The following LAMA1 variants were observed in gnomAD, a reference collection of about 807,000 sequenced individuals.
LAMA1 encodes the protein laminin subunit alpha 1, also known as laminin subunit alpha-1.
LAMA1 carries 219 observed loss-of-function variants against 348.7 expected under a neutral mutation model. That is an observed-to-expected ratio of 0.63 (90% CI 0.56 to 0.70). LAMA1 has a LOEUF of 0.70. Ranked by LOEUF, LAMA1 falls within the 30% of genes least tolerant of loss-of-function variation. The pLI is 0.00. For missense variants in LAMA1, 3,744 were observed against 3,888.0 expected (o/e 0.96, Z 0.99); for synonymous variants, 1,487 against 1,491.0 (o/e 1.00, Z 0.06).
chr18:6,964,555 A>C, intron 51 of LAMA1, 107 bp downstream of exon 51: 35 of 1,336,060 alleles, frequency 2.6e-5, no homozygotes, highest in Non-Finnish European at 3.5e-5. Flanking sequence ...GGAAAGAATA[A>C]ATTAGTGTTG....
intron 3 of LAMA1, among the ~76,000 whole-genome samples, chr18:7,062,007 T>A (rs1261228185): frequency 1.3e-5 from 2 of 152,208 alleles, no homozygotes; most frequent in East Asian, 3.9e-4. Context: ...ACACTCCACA[T>A]GGACACAGGA....
chr18:6,975,694 A>G (rs2057678602), intron 45 of LAMA1, among the ~76,000 whole-genome samples: 1 of 152,120 alleles, frequency 6.6e-6, no homozygotes, highest in Non-Finnish European at 1.5e-5. Flanking sequence ...AAAAAGTTCC[A>G]TCCCCAAGGC....
At chr18:6,970,878 G>T (rs562941640) in intron 48 of LAMA1, among the ~76,000 whole-genome samples, 1 of 152,262 alleles carries the variant, frequency 6.6e-6, no homozygotes, top group African/African-American at 2.4e-5. Context: ...CTCCCAAAGT[G>T]CTGGGATTAC....
rs1185242175 is a variant in LAMA1 at position 6,943,177 on chromosome 18, T to C, written c.9067+3A>G. ...GAGTGGAAGAGCAGGTACCCGTACA[T>C]ACCAGGATAGCCACCAACATAAATG... On this transcript the variant is annotated splice_donor_region_variant and intron_variant, in intron 62 of 62. Coordinates refer to ENST00000389658, the MANE Select transcript of LAMA1 (RefSeq NM_005559.4). 1 of 1,613,784 alleles carries C rather than the reference T, an allele frequency of 6.2e-7. No individual in the cohort carries two copies. The highest frequency in any genetic ancestry group is 1.7e-5 in the Admixed American group (1 of 60,022).
chr18:7,042,747 G>A, intron 8 of LAMA1: 1 of 207,824 alleles, frequency 4.8e-6, no homozygotes, highest in Non-Finnish European at 9.8e-6. Context: ...GCTGGGTGTG[G>A]TGGAACATGC....
Position 7,007,263 on chromosome 18 carries a change from C to G in LAMA1, c.4136G>C (p.Gly1379Ala). The G allele has an allele frequency of 6.2e-7, 1 of 1,613,854 alleles. No homozygotes were observed. Among genetic ancestry groups the G allele is most frequent in the Non-Finnish European group, 8.5e-7 (1 of 1,179,952 alleles). ...VGFSCQDCAPGYHRGKLPAGS... is the reference protein window; with the variant it reads ...VGFSCQDCAPAYHRGKLPAGS... ...TGCTGGGAGCTTCCCTCTGTGGTACCCAGGGGCGCAGTCCTGAGGGGGTGC... is the reference window on the plus strand; with the variant it reads ...TGCTGGGAGCTTCCCTCTGTGGTACGCAGGGGCGCAGTCCTGAGGGGGTGC... Residue 1379 changes from glycine (G) to alanine (A), a missense_variant, in exon 29 of 63, where the codon GGG becomes GCG. Around this residue, in one of 3 missense-constraint regions of LAMA1, gnomAD observed 1,983 missense variants for 1,934.3 expected, o/e 1.03. Coordinates refer to ENST00000389658, the MANE Select transcript of LAMA1 (RefSeq NM_005559.4).
intron 3 of LAMA1, among the ~76,000 whole-genome samples, chr18:7,061,976 G>A (rs1001091202): frequency 7.2e-5 from 11 of 152,204 alleles, no homozygotes; most frequent in South Asian, 4.1e-4. Flanking sequence ...GAGGACAGGT[G>A]GGGGAGGGGT....
intron 28 of LAMA1, 78 bp downstream of exon 28, chr18:7,008,410 G>A (rs948043014): frequency 9.7e-6 from 15 of 1,542,582 alleles, no homozygotes; most frequent in African/African-American, 1.4e-5. Flanking sequence ...CATAAGTTCT[G>A]TTCATCTCTG....
intron 1 of LAMA1, among the ~76,000 whole-genome samples, chr18:7,115,871 A>ACAGG (rs1207638712): frequency 1.3e-5 from 2 of 150,482 alleles, no homozygotes; most frequent in African/African-American, 4.9e-5. Context: ...AGTCCCAGCT[A>ACAGG]CTCGGGAGGC....
At chr18:6,955,257 A>G in intron 57 of LAMA1, 96 bp downstream of exon 57, 2 of 952,860 alleles carry the variant, frequency 2.1e-6, no homozygotes, top group Admixed American at 2.0e-5. Context: ...ATCATAAAAT[A>G]AAAGCAGGTT....
In LAMA1 at chr18:6,970,860, G is replaced by A. The variant is rs191286207; in HGVS notation, c.6899+997C>T. On this transcript the variant is annotated intron_variant, in intron 48 of 62. Transcript: ENST00000389658. ...ACTCCTAACCTCAGGTGATCCGCCC[G>A]CCTCGGCCTCCCAAAGTGCTGGGAT... Among the ~76,000 whole-genome samples the A allele has an allele frequency of 5.7e-4, 86 of 152,204 alleles. 1 individual carries two copies. Among genetic ancestry groups the A allele is most frequent in the Non-Finnish European group, 2.4e-4 (16 of 68,022 alleles).
chr18:6,996,284 C>A (rs1161690258), intron 33 of LAMA1, among the ~76,000 whole-genome samples: 2 of 152,056 alleles, frequency 1.3e-5, no homozygotes, highest in African/African-American at 2.4e-5. Context: ...GATTCAAGAA[C>A]CAGCCCCATC....
intron 61 of LAMA1, among the ~76,000 whole-genome samples, chr18:6,946,371 T>A (rs1228970466): frequency 2.0e-5 from 3 of 151,798 alleles, no homozygotes; most frequent in Non-Finnish European, 4.4e-5. Context: ...GGTACAGGAG[T>A]TGGGTGTGGC....
At position 6,964,830 on chromosome 18, in the gene LAMA1, A is replaced by C. The variant is rs750334991; in HGVS notation, c.7196-27T>G. On this transcript the variant is annotated intron_variant, in intron 50 of 62. Transcript: ENST00000389658. ...TAAAAGGAGAGCACAGGCAAGAGAT[A>C]AGAAAAGGAAAATCCCTTTCCATGT... 6.2e-6 allele frequency: 10 copies of C among 1,613,428 alleles called. No individual in the cohort carries two copies. In the South Asian group the frequency reaches 9.9e-5, roughly 16 times the overall value.
At chr18:7,015,950 C>A in intron 21 of LAMA1, 92 bp from the exon 22 acceptor site, 336 of 1,451,242 alleles carry the variant, frequency 2.3e-4, no homozygotes, top group East Asian at 2.0e-3. Context: ...ATTAAGAGTC[C>A]AAGCCACTCT....
Position 7,024,455 on chromosome 18 carries a change from G to GT in LAMA1, c.2413dup (p.Thr805AsnfsTer6), listed in dbSNP as rs2057933389. Reference sequence around the variant, plus strand: ...TTCATCTCCATCATTGAGGTGGCAGGTGGGGCTGAAACTGTCAAAACATTA... The same window carrying GT: ...TTCATCTCCATCATTGAGGTGGCAGGTTGGGGCTGAAACTGTCAAAACATTA... On this transcript the variant is annotated frameshift_variant, in exon 18 of 63. Transcript: ENST00000389658. LOFTEE classifies it high-confidence loss of function. 6.2e-7 allele frequency: 1 copy of GT among 1,613,716 alleles called. No homozygotes were observed. Among genetic ancestry groups the GT allele is most frequent in the Admixed American group, 1.7e-5 (1 of 59,970 alleles).
At chr18:7,102,043 T>C (rs991851911) in intron 1 of LAMA1, among the ~76,000 whole-genome samples, 1 of 152,202 alleles carries the variant, frequency 6.6e-6, no homozygotes, top group African/African-American at 2.4e-5. Context: ...ATTTTGGATT[T>C]ATTTTAATAT....
intron 61 of LAMA1, among the ~76,000 whole-genome samples, chr18:6,945,240 C>G (rs578179024): frequency 1.1e-4 from 16 of 152,068 alleles, no homozygotes; most frequent in Admixed American, 9.2e-4. Flanking sequence ...CAAATAGATA[C>G]AAAAGTTTTT....
chr18:7,002,557 G>C (rs557934310), intron 29 of LAMA1, among the ~76,000 whole-genome samples, 172 bp from the exon 30 acceptor site: 3 of 152,114 alleles, frequency 2.0e-5, no homozygotes, highest in African/African-American at 7.2e-5. Flanking sequence ...AACATTTCCC[G>C]CTCTGTGGCT....
Sources: gnomAD v4.1 joint callset for allele counts (sites outside exome capture counted in the v4.1 genomes callset) on GRCh38, gnomAD v4.1.1 for gene constraint, gnomAD v4.1.1 regional missense constraint, MANE v1.5 for transcripts, NCBI Gene and HGNC (gene_info 2026-07-23, HGNC 2026-07-21) for gene names.